Variants in CSMD3 observed in about 807,000 individuals in gnomAD.
The protein encoded by CSMD3 is CUB and sushi domain-containing protein 3.
In CSMD3, 177 loss-of-function variants were observed where a neutral mutation model predicts 435.2. The observed-to-expected ratio is 0.41, with a 90% CI of 0.36 to 0.46. The LOEUF (loss-of-function observed/expected upper bound fraction) is 0.46. CSMD3 is among the 20% of genes least tolerant of loss of function. CSMD3 has a pLI of 0.34. For missense variants in CSMD3, 4,265 were observed against 4,504.6 expected, an observed-to-expected ratio of 0.95 and a Z score of 1.52; for synonymous variants, 1,656 against 1,520.5, an observed-to-expected ratio of 1.09 and a Z score of -2.07.
chr8:112,897,756 T>C (rs1475574460), intron 10 of CSMD3, among the ~76,000 whole-genome samples: 2 of 141,846 alleles, frequency 1.4e-5, no homozygotes, highest in Non-Finnish European at 3.1e-5. Flanking sequence ...TAAGAAGAGA[T>C]AAAAGAGTGA....
intron 1 of CSMD3, among the ~76,000 whole-genome samples, chr8:113,428,577 A>C (rs750107894): frequency 6.6e-6 from 1 of 151,850 alleles, no homozygotes; most frequent in African/African-American, 2.4e-5. Context: ...TCAATACAGG[A>C]AGAAAAGGGA....
chr8:113,317,069 T>C (rs1419147195), intron 1 of CSMD3, among the ~76,000 whole-genome samples: 1 of 152,058 alleles, frequency 6.6e-6, no homozygotes, highest in Non-Finnish European at 1.5e-5. Flanking sequence ...TCTTTGAAAA[T>C]TGACCAGGAA....
rs372656396 is a variant in CSMD3 at position 112,683,623 on chromosome 8, G to C, written c.2483-987C>G. 5.7e-4 allele frequency among the ~76,000 whole-genome samples: 87 copies of C among 152,040 alleles called. No homozygotes were observed. The East Asian group carries it at 0.015, about 27-fold the overall frequency. On this transcript the variant is annotated intron_variant, in intron 15 of 70. Coordinates refer to ENST00000297405, the MANE Select transcript of CSMD3 (RefSeq NM_198123.2). Reference sequence around the variant, plus strand: ...TCTGTATTCATCTGAGTGACCAATTGTGTATTATAAAATTTTAATGTATTA... The same window carrying C: ...TCTGTATTCATCTGAGTGACCAATTCTGTATTATAAAATTTTAATGTATTA...
intron 4 of CSMD3, among the ~76,000 whole-genome samples, chr8:113,164,371 G>A (rs1425750583): frequency 6.6e-6 from 1 of 150,740 alleles, no homozygotes; most frequent in African/African-American, 2.4e-5. Flanking sequence ...TTCAACAAAT[G>A]TCGGGAGCAG....
chr8:113,317,958 A>G (rs1359843812), intron 1 of CSMD3, among the ~76,000 whole-genome samples: 1 of 152,190 alleles, frequency 6.6e-6, no homozygotes, highest in East Asian at 1.9e-4. Context: ...CGCCTATAGT[A>G]TAATTTATTT....
intron 32 of CSMD3, among the ~76,000 whole-genome samples, chr8:112,465,485 CA>C (rs1351926067): frequency 6.6e-6 from 1 of 152,010 alleles, no homozygotes; most frequent in Non-Finnish European, 1.5e-5. Context: ...CATGTTCAAC[CA>C]AATGGCCAAG....
intron 19 of CSMD3, among the ~76,000 whole-genome samples, chr8:112,647,228 T>G (rs768650737): frequency 2.4e-4 from 36 of 151,956 alleles, no homozygotes; most frequent in Non-Finnish European, 4.9e-4. Flanking sequence ...TCACAAATGA[T>G]GAATATATAA....
chr8:112,937,574 C>T (rs1055227714), intron 9 of CSMD3, among the ~76,000 whole-genome samples: 1 of 152,068 alleles, frequency 6.6e-6, no homozygotes, highest in Admixed American at 6.6e-5. Flanking sequence ...TGGTCTTGAA[C>T]TCCTGACCTC....
chr8:113,205,273 G>A (rs2092758507), intron 3 of CSMD3, among the ~76,000 whole-genome samples: 7 of 152,186 alleles, frequency 4.6e-5, no homozygotes, highest in Admixed American at 3.3e-4. Flanking sequence ...ATGAGCCACC[G>A]TGGCCGGCAG....
intron 35 of CSMD3, among the ~76,000 whole-genome samples, chr8:112,392,293 G>T (rs1288039747): frequency 1.1e-5 from 1 of 92,470 alleles, no homozygotes; most frequent in Non-Finnish European, 2.2e-5. Context: ...AAAGACAAAC[G>T]CAAAAACCAG....
rs2129757778 is a variant in CSMD3, at chr8:112,224,781, G to C, written c.11114C>G (p.Thr3705Arg). 6.2e-7 allele frequency: 1 copy of C among 1,613,968 alleles called. No individual in the cohort carries two copies. Among genetic ancestry groups the C allele is most frequent in the Non-Finnish European group, 8.5e-7 (1 of 1,179,884 alleles). ...RFDPNLNTVC[T>R]MV ...GCAAAGGTTGCCTCGTTATACCATT[G>C]TGCAAACCGTGTTCAAGTTGGGATC... is the stretch of plus-strand genomic sequence containing the variant. The change falls in exon 71 of 71, where the codon ACA becomes AGA. Residue 3705 changes from threonine to arginine, a missense_variant. Around this residue, in one of 3 missense-constraint regions of CSMD3, gnomAD observed 3,255 missense variants for 3,380.2 expected, o/e 0.96. Transcript: ENST00000297405.
chr8:113,208,048 A>G (rs1451454871), intron 3 of CSMD3, among the ~76,000 whole-genome samples: 1 of 152,216 alleles, frequency 6.6e-6, no homozygotes, highest in Admixed American at 6.5e-5. Context: ...AATTAGGTTC[A>G]GTGATACCCA....
intron 1 of CSMD3, among the ~76,000 whole-genome samples, chr8:113,340,859 A>G (rs2094113814): frequency 1.0e-5 from 1 of 96,044 alleles, no homozygotes; most frequent in Admixed American, 1.3e-4. Flanking sequence ...ACAAAGCAAG[A>G]CTTTGTCTCA....
At chr8:112,585,958 A>G (rs1329953390) in intron 23 of CSMD3, among the ~76,000 whole-genome samples, 4 of 151,782 alleles carry the variant, frequency 2.6e-5, no homozygotes, top group Middle Eastern at 3.4e-3. Context: ...AGAGTTTTAC[A>G]TAGTGAATTT....
intron 64 of CSMD3, among the ~76,000 whole-genome samples, chr8:112,244,846 G>C (rs1399748699): frequency 2.0e-5 from 3 of 151,912 alleles, no homozygotes; most frequent in Non-Finnish European, 2.9e-5. Flanking sequence ...CAACAACTAA[G>C]CTCAGAAATG....
chr8:112,235,026 G>T (rs1045543983), intron 67 of CSMD3, among the ~76,000 whole-genome samples: 1 of 152,126 alleles, frequency 6.6e-6, no homozygotes, highest in Non-Finnish European at 1.5e-5. Context: ...AAAAGCCAGA[G>T]AGAGATCATT....
intron 14 of CSMD3, among the ~76,000 whole-genome samples, chr8:112,689,401 T>C (rs936823397): frequency 1.3e-5 from 2 of 152,036 alleles, no homozygotes; most frequent in Non-Finnish European, 2.9e-5. Context: ...TTGTATTGTA[T>C]GCAATATAAA....
chr8:112,353,152 G>T (rs1368241525), intron 38 of CSMD3, among the ~76,000 whole-genome samples: 1 of 152,026 alleles, frequency 6.6e-6, no homozygotes, highest in Non-Finnish European at 1.5e-5. Context: ...GCACTTTGGG[G>T]GGCTGAGGTG....
intron 38 of CSMD3, among the ~76,000 whole-genome samples, chr8:112,370,027 GA>G (rs1828199568): frequency 2.4e-4 from 12 of 49,944 alleles, no homozygotes; most frequent in African/African-American, 4.0e-4. Flanking sequence ...AGAAGAGGAA[GA>G]AGAAGAAGAA....
Sources: allele counts gnomAD v4.1 joint callset (sites outside exome capture counted in the v4.1 genomes callset), GRCh38; gene constraint gnomAD v4.1.1; regional missense constraint gnomAD v4.1.1; transcripts MANE v1.5; gene names NCBI Gene and HGNC (gene_info 2026-07-23, HGNC 2026-07-21).